Variants in ETFBKMT observed in about 807,000 individuals in gnomAD.
ETFBKMT encodes electron transfer flavoprotein subunit beta lysine methyltransferase.
A neutral mutation model predicts 18.3 loss-of-function variants in ETFBKMT; 13 were observed. That is an observed-to-expected ratio of 0.71 (90% confidence interval 0.46 to 1.13). ETFBKMT has a LOEUF of 1.13. Among genes scored for constraint, ETFBKMT ranks in the 50% most tolerant of loss-of-function variants. The pLI is 0.00. For missense variants in ETFBKMT, 293 were observed against 306.2 expected (o/e 0.96, Z 0.32); for synonymous variants, 84 against 107.9 (o/e 0.78, Z 1.37).
chr12:31,656,495 C>A (rs1951063202), upstream of ETFBKMT, among the ~76,000 whole-genome samples: 1 of 152,146 alleles, frequency 6.6e-6, no homozygotes, highest in African/African-American at 2.4e-5. Context: ...CATTGAAGGT[C>A]TGGGGAGCTA....
At chr12:31,648,811 T>A (rs527830958) in intron 1 of ETFBKMT, among the ~76,000 whole-genome samples, 4 of 152,252 alleles carry the variant, frequency 2.6e-5, no homozygotes, top group Admixed American at 2.6e-4. Context: ...TCTGCCCACC[T>A]TGGCCTCCCA....
chr12:31,666,205 G>A lies in ETFBKMT; in HGVS notation c.433G>A (p.Asp145Asn). 1.9e-6 allele frequency: 3 copies of A among 1,613,170 alleles called. No homozygotes were observed. Among genetic ancestry groups the A allele is most frequent in the Non-Finnish European group, 1.7e-6 (2 of 1,179,756 alleles). Residue 145 changes from aspartate (D) to asparagine (N), a missense_variant, in exon 3 of 4, where the codon GAC (aspartate) becomes AAC (asparagine). Coordinates refer to ENST00000357721, the MANE Select transcript of ETFBKMT (RefSeq NM_001135863.2). Reference sequence around the variant, plus strand: ...TGGGGCATCAAGGATCTTGGCCAATGACATAGACCCTAGTAAGGATTCATA... The same window carrying A: ...TGGGGCATCAAGGATCTTGGCCAATAACATAGACCCTAGTAAGGATTCATA... ...MSGASRILAN[D>N]IDPIAGMAIT...
Position 31,667,969 on chromosome 12 carries a change from A to G in ETFBKMT, c.768A>G (p.Thr256=). Residue 256 remains threonine, a synonymous_variant, in exon 4 of 4, where the codon ACA becomes ACG. Transcript: ENST00000357721. Reference sequence around the variant, plus strand: ...AAAACAGTGGACTGACAACAAGCACAGTGTGGGGTTTTCAGCCTTGAGTTG... The same window carrying G: ...AAAACAGTGGACTGACAACAAGCACGGTGTGGGGTTTTCAGCCTTGAGTTG... The part of the protein sequence containing the change: ...RQENSGLTTS[T]VWGFQP 1 of 1,612,970 alleles carries G rather than the reference A, an allele frequency of 6.2e-7. No individual in the cohort carries two copies. The highest frequency in any genetic ancestry group is 8.5e-7 in the Non-Finnish European group (1 of 1,179,068).
chr12:31,668,263 T>C lies in ETFBKMT; in HGVS notation c.*273T>C, dbSNP rs1951223445. ...GATTATACAATGCCATACTCAATGG[T>C]GGCAGCATTTAATTTAAGTAATGGA... is the stretch of plus-strand genomic sequence containing the variant. On this transcript the variant is annotated 3_prime_UTR_variant, in exon 4 of 4. Coordinates refer to ENST00000357721, the MANE Select transcript of ETFBKMT (RefSeq NM_001135863.2). 1 of 314,908 alleles carries C rather than the reference T, an allele frequency of 3.2e-6. No individual in the cohort carries two copies. The highest frequency in any genetic ancestry group is 9.1e-5 in the South Asian group (1 of 10,976). 19.5% of individuals were successfully genotyped at this position (314,908 alleles called of 1,614,324 possible).
At chr12:31,656,084 G>C (rs1261640251), upstream of ETFBKMT, among the ~76,000 whole-genome samples, 1 of 152,134 alleles carries the variant, frequency 6.6e-6, no homozygotes, top group South Asian at 2.1e-4. Flanking sequence ...AGAGTTTATT[G>C]AGTGTCTGTG....
At chr12:31,653,696 C>T (rs1951035896) in intron 1 of ETFBKMT, among the ~76,000 whole-genome samples, 1 of 152,154 alleles carries the variant, frequency 6.6e-6, no homozygotes, top group African/African-American at 2.4e-5. Context: ...GCCTGTAATC[C>T]CAGCACTTTG....
rs1951220746 is a variant in ETFBKMT, at chr12:31,667,978, T to A, written c.777T>A (p.Gly259=). ...GACTGACAACAAGCACAGTGTGGGG[T>A]TTTCAGCCTTGAGTTGTCAAAGTGC... ...NSGLTTSTVW[G]FQP is the part of the protein sequence containing the mutation. Residue 259 remains glycine (G), a synonymous_variant, in exon 4 of 4, where the codon GGT becomes GGA. Transcript: ENST00000357721. The A allele has an allele frequency of 6.2e-7, 1 of 1,611,674 alleles. No individual in the cohort carries two copies. The highest frequency in any genetic ancestry group is 1.3e-5 in the African/African-American group (1 of 74,916).
intron 1 of ETFBKMT, among the ~76,000 whole-genome samples, chr12:31,647,600 G>A (rs776477545): frequency 2.0e-4 from 30 of 152,144 alleles, no homozygotes; most frequent in Non-Finnish European, 2.9e-4. Flanking sequence ...GGACTGAGGC[G>A]GGTGGATCAC....
rs745836760 is a variant in ETFBKMT at position 31,672,422 on chromosome 12, T to A, written c.*4432T>A. On this transcript the variant is annotated 3_prime_UTR_variant, in exon 4 of 4. Transcript: ENST00000357721. ...CAATATATTAATTGACAATAAAAAA[T>A]GTTTAATGTTTCCTCATGTCTAACT... 9.7e-6 allele frequency: 13 copies of A among 1,345,284 alleles called. No individual in the cohort carries two copies. The South Asian group carries it at 1.6e-4, about 17-fold the overall frequency. The allele number at this position is 1,345,284 out of a possible 1,614,324, so 83.3% of individuals were successfully genotyped here.
chr12:31,657,363 G>A (rs1465130814), upstream of ETFBKMT, among the ~76,000 whole-genome samples: 2 of 152,144 alleles, frequency 1.3e-5, no homozygotes, highest in Non-Finnish European at 2.9e-5. Flanking sequence ...ACATTACAAT[G>A]CATCAACACC....
At chr12:31,651,698 T>G (rs542123088) in intron 1 of ETFBKMT, among the ~76,000 whole-genome samples, 54 of 152,282 alleles carry the variant, frequency 3.5e-4, no homozygotes, top group African/African-American at 1.2e-3. Flanking sequence ...GATGCTACAA[T>G]GGACCTATAC....
chr12:31,664,927 TTTTC>T (rs1265718239), intron 2 of ETFBKMT, among the ~76,000 whole-genome samples: 41 of 148,354 alleles, frequency 2.8e-4, no homozygotes, highest in Admixed American at 3.4e-4. Context: ...TATACATTTC[TTTTC>T]TTTCTTTCTT....
At chr12:31,657,521 C>T (rs1359015119), upstream of ETFBKMT, among the ~76,000 whole-genome samples, 1 of 152,110 alleles carries the variant, frequency 6.6e-6, no homozygotes, top group Non-Finnish European at 1.5e-5. Flanking sequence ...TGGCCGGTCG[C>T]AGTGGCTCAC....
intron 3 of ETFBKMT, 147 bp from the exon 4 acceptor site, chr12:31,667,500 C>T (rs1490932757): frequency 1.6e-6 from 1 of 635,762 alleles, no homozygotes; most frequent in African/African-American, 1.8e-5. Context: ...ATTGGGATAA[C>T]CTTTATACTT....
Position 31,672,118 on chromosome 12 carries a change from G to A in ETFBKMT, c.*4128G>A. The A allele has an allele frequency of 1.9e-6, 1 of 520,652 alleles. No homozygotes were observed. The highest frequency in any genetic ancestry group is 3.4e-6 in the Non-Finnish European group (1 of 291,722). 32.3% of individuals were successfully genotyped at this position (520,652 alleles called of 1,614,324 possible). On this transcript the variant is annotated 3_prime_UTR_variant, in exon 4 of 4. Coordinates refer to ENST00000357721, the MANE Select transcript of ETFBKMT (RefSeq NM_001135863.2). ...TATAGAATAATAGCACTTTAAAGAT[G>A]TTTAAGAGTAAAGCACAAACCATGT...
Position 31,668,203 on chromosome 12 carries a change from C to A in ETFBKMT, c.*213C>A. The A allele has an allele frequency of 2.1e-6, 1 of 476,930 alleles. No homozygotes were observed. Among genetic ancestry groups the A allele is most frequent in the Non-Finnish European group, 3.7e-6 (1 of 272,144 alleles). 29.5% of individuals were successfully genotyped at this position (476,930 alleles called of 1,614,324 possible). A position where few individuals can be genotyped will look rare whatever the true frequency, so the allele number is the denominator to read the frequency against. On this transcript the variant is annotated 3_prime_UTR_variant, in exon 4 of 4. Coordinates refer to ENST00000357721, the MANE Select transcript of ETFBKMT (RefSeq NM_001135863.2). ...TGCCAATTATACACATCTCTATCTG[C>A]ATTTTTTTTTCTATTTTAACCGCTG...
chr12:31,661,631 T>G (rs1951125255), intron 1 of ETFBKMT, among the ~76,000 whole-genome samples: 2 of 152,152 alleles, frequency 1.3e-5, no homozygotes, highest in African/African-American at 4.8e-5. Context: ...GGCTAATTTT[T>G]TGTATTTTTA....
intron 1 of ETFBKMT, chr12:31,660,812 T>C (rs1035844141): frequency 1.3e-5 from 2 of 152,224 alleles, no homozygotes; most frequent in African/African-American, 4.8e-5. Context: ...ATAAATTCAT[T>C]AACCCCCAGA....
rs1248408116 is a variant in ETFBKMT, at chr12:31,666,183, G to A, written c.411G>A (p.Gly137=). ...GATAIAAKMS[G]ASRILANDID... ...CAGCTATTGCTGCTAAGATGAGTGG[G>A]GCATCAAGGATCTTGGCCAATGACA... The change falls in exon 3 of 4, where the codon GGG becomes GGA. Residue 137 remains glycine, a synonymous_variant. Coordinates refer to ENST00000357721, the MANE Select transcript of ETFBKMT (RefSeq NM_001135863.2). 1 of 1,614,068 alleles carries A rather than the reference G, an allele frequency of 6.2e-7. No homozygotes were observed. Among genetic ancestry groups the A allele is most frequent in the Admixed American group, 1.7e-5 (1 of 60,018 alleles).
Sources: allele counts gnomAD v4.1 joint callset (sites outside exome capture counted in the v4.1 genomes callset), GRCh38; gene constraint gnomAD v4.1.1; transcripts MANE v1.5; gene names NCBI Gene and HGNC (gene_info 2026-07-23, HGNC 2026-07-21).